The following MEI4 variants were observed in gnomAD, a reference collection of about 807,000 sequenced individuals.
MEI4 encodes the protein meiotic double-stranded break formation protein 4.
A neutral mutation model predicts 31.4 loss-of-function variants in MEI4; 27 were observed. That is an observed-to-expected ratio of 0.86 (90% CI 0.63 to 1.19). MEI4 has a LOEUF of 1.19. Ranked by LOEUF, MEI4 falls within the 50% of genes most tolerant of loss-of-function variation. The pLI is 0.00. For missense variants in MEI4, 329 were observed against 398.9 expected, an observed-to-expected ratio of 0.82 and a Z score of 1.49; for synonymous variants, 122 against 145.4, an observed-to-expected ratio of 0.84 and a Z score of 1.16.
chr6:77,664,839 C>T (rs1311054989), intron 1 of MEI4, among the ~76,000 whole-genome samples: 1 of 152,072 alleles, frequency 6.6e-6, no homozygotes, highest in Admixed American at 6.5e-5. Flanking sequence ...TGGAAAAATT[C>T]AAAGTGCCAT....
chr6:77,905,475 C>CTTTTTTTTTT (rs70974691), intron 4 of MEI4, among the ~76,000 whole-genome samples: 9 of 93,340 alleles, frequency 9.6e-5, no homozygotes, highest in Admixed American at 2.7e-4. Flanking sequence ...AAATTTTCAG[C>CTTTTTTTTTT]TTTTTTTTTT....
intron 1 of MEI4, among the ~76,000 whole-genome samples, chr6:77,682,982 C>T (rs537277014): frequency 6.6e-6 from 1 of 152,140 alleles, no homozygotes; most frequent in Admixed American, 6.5e-5. Context: ...ACGATGTTTC[C>T]TCAATTCTGA....
chr6:77,689,809 G>C (rs1769124537), intron 1 of MEI4, among the ~76,000 whole-genome samples: 1 of 152,000 alleles, frequency 6.6e-6, no homozygotes, highest in South Asian at 2.1e-4. Context: ...AATATTCTGG[G>C]TCATCTTACT....
At chr6:77,891,333 T>C (rs1026702736) in intron 4 of MEI4, among the ~76,000 whole-genome samples, 2 of 152,180 alleles carry the variant, frequency 1.3e-5, no homozygotes, top group Non-Finnish European at 2.9e-5. Flanking sequence ...TCATTCTTTT[T>C]CTTTCTCCTT....
intron 1 of MEI4, among the ~76,000 whole-genome samples, chr6:77,665,578 C>G (rs1768614611): frequency 6.6e-6 from 1 of 152,144 alleles, no homozygotes. Context: ...GGTGAAGGAC[C>G]AAGGCAGGTG....
chr6:77,750,630 G>T (rs1767744750), intron 2 of MEI4, among the ~76,000 whole-genome samples: 1 of 152,130 alleles, frequency 6.6e-6, no homozygotes, highest in Non-Finnish European at 1.5e-5. Context: ...CAAGTTCTTA[G>T]CGACCTACAA....
intron 4 of MEI4, among the ~76,000 whole-genome samples, chr6:77,871,137 A>G (rs920827888): frequency 6.6e-6 from 1 of 152,130 alleles, no homozygotes; most frequent in Non-Finnish European, 1.5e-5. Context: ...GACTTAGACC[A>G]TTTCAGTTCC....
At chr6:77,734,766 C>G (rs181233569) in intron 2 of MEI4, among the ~76,000 whole-genome samples, 3 of 151,986 alleles carry the variant, frequency 2.0e-5, no homozygotes, top group East Asian at 1.9e-4. Context: ...TTTGCAGTGG[C>G]TGTTACTGGT....
chr6:77,761,780 G>A (rs1768050889), intron 3 of MEI4, 115 bp downstream of exon 3: 2 of 634,822 alleles, frequency 3.2e-6, no homozygotes, highest in Non-Finnish European at 4.5e-6. Flanking sequence ...CCCTTATTGG[G>A]TCTTTTTCTG....
At chr6:77,766,574 C>T (rs554837561) in intron 3 of MEI4, among the ~76,000 whole-genome samples, 10 of 152,124 alleles carry the variant, frequency 6.6e-5, no homozygotes, top group East Asian at 5.8e-4. Flanking sequence ...CCACCACACC[C>T]GGCTAATTTT....
At chr6:77,689,091 A>C (rs914025521) in intron 1 of MEI4, among the ~76,000 whole-genome samples, 1 of 152,064 alleles carries the variant, frequency 6.6e-6, no homozygotes, top group African/African-American at 2.4e-5. Flanking sequence ...TGTTAATTGA[A>C]TAAAATTAGA....
chr6:77,889,111 A>T (rs1435784921), intron 4 of MEI4, among the ~76,000 whole-genome samples: 1 of 152,072 alleles, frequency 6.6e-6, no homozygotes, highest in East Asian at 1.9e-4. Context: ...ATAAATCGAT[A>T]CCACAGAGAG....
At chr6:77,834,765 A>T (rs1770173045) in intron 4 of MEI4, among the ~76,000 whole-genome samples, 1 of 152,186 alleles carries the variant, frequency 6.6e-6, no homozygotes. Flanking sequence ...GCTGGGTTCC[A>T]AGGCCTAAAG....
At chr6:77,696,367 T>G (rs1248862241) in intron 2 of MEI4, among the ~76,000 whole-genome samples, 1 of 152,254 alleles carries the variant, frequency 6.6e-6, no homozygotes, top group East Asian at 1.9e-4. Flanking sequence ...ATGCTTCCAG[T>G]TTTTGCCCAT....
chr6:77,891,114 G>T (rs1406053563), intron 4 of MEI4, among the ~76,000 whole-genome samples: 4 of 152,100 alleles, frequency 2.6e-5, no homozygotes, highest in African/African-American at 9.7e-5. Context: ...ACATGCATTG[G>T]AAATGAGCTT....
intron 4 of MEI4, among the ~76,000 whole-genome samples, chr6:77,912,718 G>A (rs1243716657): frequency 6.6e-6 from 1 of 152,012 alleles, no homozygotes; most frequent in Non-Finnish European, 1.5e-5. Context: ...TGGGCATTAG[G>A]TTTTTCTAGA....
At chr6:77,804,168 A>G (rs984392794) in intron 3 of MEI4, among the ~76,000 whole-genome samples, 1 of 152,118 alleles carries the variant, frequency 6.6e-6, no homozygotes, top group Admixed American at 6.5e-5. Context: ...AGCCTCAGCA[A>G]TGGCGGACGC....
chr6:77,871,883 G>A (rs1304470464), intron 4 of MEI4, among the ~76,000 whole-genome samples: 2 of 151,960 alleles, frequency 1.3e-5, no homozygotes, highest in Non-Finnish European at 2.9e-5. Context: ...GAAAATAATT[G>A]AATAACAGTC....
intron 4 of MEI4, among the ~76,000 whole-genome samples, chr6:77,919,180 A>T (rs1766640760): frequency 6.6e-6 from 1 of 152,006 alleles, no homozygotes; most frequent in Admixed American, 6.6e-5. Flanking sequence ...TCCACCCCAA[A>T]TCAACAGAAT....
Sources: allele counts gnomAD v4.1 joint callset (sites outside exome capture counted in the v4.1 genomes callset), GRCh38; gene constraint gnomAD v4.1.1; transcripts MANE v1.5; gene names NCBI Gene and HGNC (gene_info 2026-07-23, HGNC 2026-07-21).